Variants in SCUBE1 observed in about 807,000 individuals in gnomAD.
SCUBE1 encodes the protein signal peptide, CUB domain and EGF like domain containing 1, also known as signal peptide, CUB and EGF-like domain-containing protein 1.
A neutral mutation model predicts 124.4 loss-of-function variants in SCUBE1; 59 were observed. That is an observed-to-expected ratio of 0.47 (90% CI 0.38 to 0.59). The LOEUF (loss-of-function observed/expected upper bound fraction) is 0.59, where lower values mean the gene tolerates loss of function less well. SCUBE1 is among the 20% of genes least tolerant of loss of function. The pLI is 0.00. For synonymous variants in SCUBE1, 545 were observed against 550.9 expected (o/e 0.99, Z 0.15); for missense variants, 1,150 against 1,371.2 (o/e 0.84, Z 2.55).
At chr22:43,225,499 G>A (rs1230051533) in intron 10 of SCUBE1, among the ~76,000 whole-genome samples, 4 of 151,380 alleles carry the variant, frequency 2.6e-5, no homozygotes, top group South Asian at 2.1e-4. Flanking sequence ...AGAAGCGGCC[G>A]GGCTCGGTGG....
rs1374382097 is a variant in SCUBE1 at position 43,255,474 on chromosome 22, A to G, written c.727+2745T>C. 1 of 1,548,978 alleles carries G rather than the reference A, an allele frequency of 6.5e-7. No homozygotes were observed. The highest frequency in any genetic ancestry group is 8.7e-7 in the Non-Finnish European group (1 of 1,145,614). On this transcript the variant is annotated intron_variant, in intron 6 of 21. Coordinates refer to ENST00000360835, the MANE Select transcript of SCUBE1 (RefSeq NM_173050.5). The surrounding 1 kb of genome is among the most constrained non-coding windows in gnomAD (Gnocchi z 4.7). ...AGTGCAAGTACGACAAAGGAAGTGG[A>G]AGAAAAGTGTTACCCATGAGTAGCC...
At chr22:43,289,749 G>A (rs879353956) in intron 4 of SCUBE1, among the ~76,000 whole-genome samples, 10 of 152,286 alleles carry the variant, frequency 6.6e-5, no homozygotes, top group South Asian at 4.1e-4. Context: ...TTTTGCAGGC[G>A]AGGAATCTGG....
chr22:43,212,809 G>A lies in SCUBE1; in HGVS notation c.2054-217C>T, dbSNP rs1213310894. On this transcript the variant is annotated intron_variant, in intron 16 of 21. Coordinates refer to ENST00000360835, the MANE Select transcript of SCUBE1 (RefSeq NM_173050.5). Reference sequence around the variant, plus strand: ...ATGCCAGCGGTTCATGTGCGGCCTTGGTCAAGCCTGGCTCTCCTTCTCCCA... The same window carrying A: ...ATGCCAGCGGTTCATGTGCGGCCTTAGTCAAGCCTGGCTCTCCTTCTCCCA... The A allele has an allele frequency of 7.3e-4, 417 of 571,558 alleles. 1 individual carries two copies. Among genetic ancestry groups the A allele is most frequent in the Non-Finnish European group, 8.6e-5 (28 of 325,516 alleles). 35.4% of individuals were successfully genotyped at this position (571,558 alleles called of 1,614,324 possible). A position where few individuals can be genotyped will look rare whatever the true frequency, so the allele number is the denominator to read the frequency against.
In SCUBE1 at chr22:43,208,147, T is replaced by G; in HGVS notation, c.2659A>C (p.Lys887Gln). 6.2e-7 allele frequency: 1 copy of G among 1,614,082 alleles called. No homozygotes were observed. Among genetic ancestry groups the G allele is most frequent in the Non-Finnish European group, 8.5e-7 (1 of 1,180,000 alleles). Reference sequence around the variant, plus strand: ...TTGGATTTGAACTGGATCCAGAGCTTGCGGGAGCGGGAGGTGAAGGCGATG... The same window carrying G: ...TTGGATTTGAACTGGATCCAGAGCTGGCGGGAGCGGGAGGTGAAGGCGATG... ...RPIAFTSRSR[K>Q]LWIQFKSNEG... The change falls in exon 20 of 22, where the codon AAG becomes CAG. Residue 887 changes from lysine to glutamine, a missense_variant. Coordinates refer to ENST00000360835, the MANE Select transcript of SCUBE1 (RefSeq NM_173050.5).
At chr22:43,288,053 A>G (rs5751471) in intron 4 of SCUBE1, among the ~76,000 whole-genome samples, 12,803 of 152,242 alleles carry the variant, frequency 0.084, 1,205 homozygotes, top group East Asian at 0.5. Flanking sequence ...GCAATCTGAT[A>G]AGTTATCTGT....
At chr22:43,240,280 C>T (rs1028797835) in intron 6 of SCUBE1, among the ~76,000 whole-genome samples, 1 of 152,192 alleles carries the variant, frequency 6.6e-6, no homozygotes, top group Non-Finnish European at 1.5e-5. Context: ...CTCCTCAAAT[C>T]CTGGACCTCA....
intron 3 of SCUBE1, among the ~76,000 whole-genome samples, chr22:43,292,279 A>G (rs550448128): frequency 1.3e-5 from 2 of 152,128 alleles, no homozygotes; most frequent in Non-Finnish European, 2.9e-5. Flanking sequence ...TCTCGGGGAG[A>G]GGCAGACCTC....
intron 9 of SCUBE1, 96 bp from the exon 10 acceptor site, chr22:43,227,592 G>A (rs1922376805): frequency 1.0e-5 from 15 of 1,489,282 alleles, no homozygotes; most frequent in Non-Finnish European, 1.2e-5. Flanking sequence ...AGAATCTCCT[G>A]ACCCCACCGA....
At chr22:43,290,453 T>TTGGC (rs1344991661) in intron 4 of SCUBE1, among the ~76,000 whole-genome samples, 1 of 152,274 alleles carries the variant, frequency 6.6e-6, no homozygotes. Flanking sequence ...CCTGCTGGGC[T>TTGGC]TGGCTGGTGG....
chr22:43,221,033 A>C (rs139004), intron 13 of SCUBE1, 140 bp downstream of exon 13: 204,164 of 635,026 alleles, frequency 0.32, 34,457 homozygotes, highest in African/African-American at 0.48. Context: ...GGAAACTCTC[A>C]TTCAATAAAC....
At chr22:43,277,392 G>A (rs1207809935) in intron 4 of SCUBE1, among the ~76,000 whole-genome samples, 5 of 152,188 alleles carry the variant, frequency 3.3e-5, no homozygotes, top group African/African-American at 1.2e-4. Flanking sequence ...GGGCAGGGAG[G>A]CCTGTGAGGC....
intron 21 of SCUBE1, among the ~76,000 whole-genome samples, chr22:43,205,481 C>T (rs1601790304): frequency 1.3e-5 from 2 of 152,044 alleles, no homozygotes; most frequent in Non-Finnish European, 2.9e-5. Flanking sequence ...CCTGCTGGCG[C>T]GTGAGAGCTC....
Position 43,199,756 on chromosome 22 carries a change from A to G in SCUBE1, c.*4241T>C. ...GAGCGTAGGCTGATTCTGCTGCTTGAGAGGAGGGAGGTTGGTGTGGCTGTG... is the reference window on the plus strand; with the variant it reads ...GAGCGTAGGCTGATTCTGCTGCTTGGGAGGAGGGAGGTTGGTGTGGCTGTG... On this transcript the variant is annotated 3_prime_UTR_variant, in exon 22 of 22. Transcript: ENST00000360835. 6.4e-6 allele frequency: 1 copy of G among 155,722 alleles called. No homozygotes were observed. The highest frequency in any genetic ancestry group is 1.7e-4 in the South Asian group (1 of 6,006). The allele number at this position is 155,722 out of a possible 1,614,324, so 9.6% of individuals were successfully genotyped here.
At chr22:43,325,930 G>GT (rs1034483523) in intron 2 of SCUBE1, among the ~76,000 whole-genome samples, 1 of 150,288 alleles carries the variant, frequency 6.7e-6, no homozygotes, top group African/African-American at 2.5e-5. Flanking sequence ...ATAGGGTGAG[G>GT]TGTTTTTTTT....
chr22:43,203,374 T>TTA lies in SCUBE1; in HGVS notation c.*621_*622dup, dbSNP rs1569493139. 2.0e-5 allele frequency: 3 copies of TTA among 147,236 alleles called. No homozygotes were observed. The highest frequency in any genetic ancestry group is 7.4e-5 in the African/African-American group (3 of 40,558). The allele number at this position is 147,236 out of a possible 1,614,324, so 9.1% of individuals were successfully genotyped here. A position where few individuals can be genotyped will look rare whatever the true frequency, so the allele number is the denominator to read the frequency against. On this transcript the variant is annotated 3_prime_UTR_variant, in exon 22 of 22. Transcript: ENST00000360835. ...CACAAATAGAAGTATATATATATAT[T>TTA]TATATATATATTTATATATATATAT...
rs1920967805 is a variant in SCUBE1, at chr22:43,199,147, AG to A, written c.*4849del. ...CAGGGCACCAACTCCCTGTCTTTCT[AG>A]GAGCCTGGCACACAGGAGGTGCTCA... On this transcript the variant is annotated 3_prime_UTR_variant, in exon 22 of 22. Coordinates refer to ENST00000360835, the MANE Select transcript of SCUBE1 (RefSeq NM_173050.5). 2 of 97,028 alleles carry A rather than the reference AG, an allele frequency of 2.1e-5. 1 individual carries two copies. Among genetic ancestry groups the A allele is most frequent in the Admixed American group, 2.2e-4 (2 of 9,112 alleles). The allele number at this position is 97,028 out of a possible 1,614,324, so 6.0% of individuals were successfully genotyped here. A position where few individuals can be genotyped will look rare whatever the true frequency, so the allele number is the denominator to read the frequency against.
At chr22:43,280,396 CG>C (rs1924725783) in intron 4 of SCUBE1, among the ~76,000 whole-genome samples, 29 of 106,426 alleles carry the variant, frequency 2.7e-4, no homozygotes, top group African/African-American at 1.1e-3. Flanking sequence ...ACCCATCCCC[CG>C]TCCCTTCCCC....
At chr22:43,263,099 C>A (rs1315645828) in intron 4 of SCUBE1, among the ~76,000 whole-genome samples, 3 of 152,224 alleles carry the variant, frequency 2.0e-5, no homozygotes, top group Non-Finnish European at 4.4e-5. Flanking sequence ...GTGAGTTGCA[C>A]TGTAAATGGC....
intron 6 of SCUBE1, among the ~76,000 whole-genome samples, chr22:43,253,291 G>A (rs1326872933): frequency 6.6e-6 from 1 of 152,198 alleles, no homozygotes; most frequent in African/African-American, 2.4e-5. Context: ...TAAGAATGAT[G>A]AGCTCGTGAG....
Sources: allele counts gnomAD v4.1 joint callset (sites outside exome capture counted in the v4.1 genomes callset), GRCh38; gene constraint gnomAD v4.1.1; non-coding constraint Gnocchi (gnomAD v3.1); transcripts MANE v1.5; gene names NCBI Gene and HGNC (gene_info 2026-07-23, HGNC 2026-07-21).